Variants in ANO4 observed in about 807,000 individuals in gnomAD.
ANO4 encodes anoctamin-4.
ANO4 carries 69 observed loss-of-function variants against 141.9 expected under a neutral mutation model. That is an observed-to-expected ratio of 0.49 (90% CI 0.40 to 0.59). ANO4 has a LOEUF of 0.59. ANO4 is among the 20% of genes least tolerant of loss of function. ANO4 has a pLI of 0.00. For synonymous variants in ANO4, 350 were observed against 394.3 expected, an observed-to-expected ratio of 0.89 and a Z score of 1.33; for missense variants, 894 against 1,162.2, an observed-to-expected ratio of 0.77 and a Z score of 3.36.
intron 7 of ANO4, 133 bp from the exon 8 acceptor site, chr12:100,987,406 G>A: frequency 8.9e-7 from 1 of 1,124,074 alleles, no homozygotes; most frequent in Non-Finnish European, 1.3e-6. Flanking sequence ...TATAAAACAA[G>A]GATATCCTGA....
At chr12:100,990,106 G>A (rs937222022) in intron 8 of ANO4, among the ~76,000 whole-genome samples, 2 of 152,222 alleles carry the variant, frequency 1.3e-5, no homozygotes, top group South Asian at 2.1e-4. Flanking sequence ...AATGAAGTAA[G>A]TGGTATACAC....
At chr12:101,068,823 G>A (rs2048698761) in intron 14 of ANO4, 2 of 1,084,648 alleles carry the variant, frequency 1.8e-6, no homozygotes, top group African/African-American at 3.0e-5. Flanking sequence ...ATCTATTGAA[G>A]GTTGCTGAGC....
At chr12:100,748,364 G>A (rs771515104) in intron 3 of ANO4, among the ~76,000 whole-genome samples, 29 of 152,274 alleles carry the variant, frequency 1.9e-4, no homozygotes, top group Non-Finnish European at 2.4e-4. Context: ...ACCTCACCAG[G>A]AGACTCATGT....
intron 5 of ANO4, among the ~76,000 whole-genome samples, chr12:100,963,500 G>A (rs902172430): frequency 6.6e-6 from 1 of 152,048 alleles, no homozygotes; most frequent in Non-Finnish European, 1.5e-5. Flanking sequence ...CTGTGTGTGT[G>A]TGTGTCTGTG....
At chr12:101,109,694 A>G (rs943236471) in intron 22 of ANO4, among the ~76,000 whole-genome samples, 15 of 152,328 alleles carry the variant, frequency 9.8e-5, no homozygotes, top group African/African-American at 3.4e-4. Flanking sequence ...AGTTTCTTCA[A>G]TACACTTCCC....
chr12:101,096,773 C>G, intron 19 of ANO4, 126 bp downstream of exon 19: 1 of 695,190 alleles, frequency 1.4e-6, no homozygotes, highest in Non-Finnish European at 2.5e-6. Context: ...GGAAGAGCAT[C>G]CTCCTCCCTT....
intron 14 of ANO4, among the ~76,000 whole-genome samples, chr12:101,076,236 A>G (rs2049020562): frequency 6.6e-6 from 1 of 152,146 alleles, no homozygotes; most frequent in Non-Finnish European, 1.5e-5. Context: ...CAAAGCCATC[A>G]TGGTTGGATT....
intron 1 of ANO4, among the ~76,000 whole-genome samples, chr12:100,875,838 T>C (rs1391622287): frequency 6.6e-6 from 1 of 151,774 alleles, no homozygotes; most frequent in Non-Finnish European, 1.5e-5. Context: ...AGCACTGAGG[T>C]AGAGAGGTCA....
In ANO4 at chr12:101,108,454, G is replaced by T. The variant is rs113325491; in HGVS notation, c.2150-1950G>T. Among the ~76,000 whole-genome samples the T allele has an allele frequency of 6.4e-3, 975 of 152,102 alleles. 12 individuals carry two copies. The highest frequency in any genetic ancestry group is 0.022 in the African/African-American group (928 of 41,456). On this transcript the variant is annotated intron_variant, in intron 22 of 27. Transcript: ENST00000392977. ...AAGTTACCTGACCTCTTTGTGCGTC[G>T]GTTTCCTTACCTGTAAAATGAGGAT...
chr12:101,112,066 A>G (rs1027045063), intron 24 of ANO4, among the ~76,000 whole-genome samples: 2 of 152,192 alleles, frequency 1.3e-5, no homozygotes, highest in Non-Finnish European at 1.5e-5. Context: ...CATATGATGT[A>G]TATATAGTTA....
intron 1 of ANO4, among the ~76,000 whole-genome samples, chr12:100,811,959 A>G (rs1299131269): frequency 6.6e-6 from 1 of 152,162 alleles, no homozygotes; most frequent in African/African-American, 2.4e-5. Context: ...GACTTATGTC[A>G]TAGTGCTAAT....
At chr12:100,907,861 T>C (rs1294981469) in intron 2 of ANO4, among the ~76,000 whole-genome samples, 1 of 152,260 alleles carries the variant, frequency 6.6e-6, no homozygotes, top group Non-Finnish European at 1.5e-5. Context: ...GAAAATGCAG[T>C]GCCCAGAATT....
intron 3 of ANO4, among the ~76,000 whole-genome samples, chr12:100,786,093 G>A (rs142131058): frequency 6.6e-6 from 1 of 152,140 alleles, no homozygotes; most frequent in Non-Finnish European, 1.5e-5. Context: ...TGGCACACTA[G>A]CTAATCACTC....
At chr12:100,752,125 A>G (rs996170827) in intron 3 of ANO4, among the ~76,000 whole-genome samples, 6 of 152,210 alleles carry the variant, frequency 3.9e-5, no homozygotes, top group Non-Finnish European at 8.8e-5. Flanking sequence ...AGCGAAAGCT[A>G]CTTTTCCTAT....
At chr12:100,850,148 A>T (rs924901624) in intron 1 of ANO4, among the ~76,000 whole-genome samples, 3 of 152,270 alleles carry the variant, frequency 2.0e-5, no homozygotes, top group Non-Finnish European at 4.4e-5. Context: ...AAATAAAATA[A>T]TAAAATGTAA....
chr12:100,795,602 T>G (rs556660402), intron 1 of ANO4, among the ~76,000 whole-genome samples: 1 of 152,188 alleles, frequency 6.6e-6, no homozygotes, highest in Non-Finnish European at 1.5e-5. Context: ...AATCCTGAGC[T>G]GGCAGACGGA....
intron 1 of ANO4, among the ~76,000 whole-genome samples, chr12:100,868,320 C>G (rs920324126): frequency 6.6e-6 from 1 of 152,090 alleles, no homozygotes; most frequent in Non-Finnish European, 1.5e-5. Context: ...GGCTAAAATC[C>G]TTACTATGGT....
intron 4 of ANO4, among the ~76,000 whole-genome samples, chr12:100,941,105 T>C (rs1340073614): frequency 1.3e-5 from 2 of 151,852 alleles, no homozygotes; most frequent in African/African-American, 4.8e-5. Context: ...AATATTGGAG[T>C]GTATGAAAAC....
At chr12:100,770,656 G>A (rs1169400594) in intron 3 of ANO4, among the ~76,000 whole-genome samples, 1 of 152,144 alleles carries the variant, frequency 6.6e-6, no homozygotes, top group East Asian at 1.9e-4. Flanking sequence ...AGGAGGACTT[G>A]TAGCTGGGAC....
Sources: gnomAD v4.1 joint callset for allele counts (sites outside exome capture counted in the v4.1 genomes callset) on GRCh38, gnomAD v4.1.1 for gene constraint, MANE v1.5 for transcripts, NCBI Gene and HGNC (gene_info 2026-07-23, HGNC 2026-07-21) for gene names.